ERC2: variants seen among roughly 807,000 people sequenced by gnomAD.
ERC2 encodes the protein ELKS/RAB6-interacting/CAST family member 2.
In ERC2, 42 loss-of-function variants were observed where a neutral mutation model predicts 114.8. The ratio of observed to expected loss-of-function variants is 0.37; its 90% CI spans 0.29 to 0.47. ERC2 has a LOEUF of 0.47. Ranked by LOEUF, ERC2 falls within the 20% of genes least tolerant of loss-of-function variation. The probability of loss-of-function intolerance (pLI) is 0.99; values close to 1 mark genes in which losing one functional copy is unlikely to be tolerated. For missense variants in ERC2, 939 were observed against 1,150.7 expected (o/e 0.82, Z 2.66); for synonymous variants, 454 against 425.5 (o/e 1.07, Z -0.82).
intron 17 of ERC2, among the ~76,000 whole-genome samples, chr3:55,527,456 A>T (rs923988559): frequency 6.6e-6 from 1 of 152,170 alleles, no homozygotes; most frequent in Non-Finnish European, 1.5e-5. Context: ...GAGAGAAGAG[A>T]ACGTAGCGAA....
chr3:55,661,862 T>C (rs2148710410), intron 17 of ERC2, among the ~76,000 whole-genome samples: 1 of 152,308 alleles, frequency 6.6e-6, no homozygotes, highest in African/African-American at 2.4e-5. Context: ...CCTCCTTTCC[T>C]GGGAGACTAA....
intron 3 of ERC2, among the ~76,000 whole-genome samples, chr3:56,196,493 CT>C (rs58861980): frequency 0.19 from 22,514 of 120,674 alleles, 2,440 homozygotes; most frequent in East Asian, 0.43. Context: ...TTCTTGCCTT[CT>C]TTTTTTTTTT....
At chr3:56,167,048 C>T (rs1269075757) in intron 4 of ERC2, among the ~76,000 whole-genome samples, 2 of 152,092 alleles carry the variant, frequency 1.3e-5, no homozygotes, top group African/African-American at 4.8e-5. Flanking sequence ...AGACTCGTGG[C>T]TCTTATAGTT....
chr3:55,918,054 C>T (rs972689618), intron 13 of ERC2, among the ~76,000 whole-genome samples: 3 of 151,818 alleles, frequency 2.0e-5, no homozygotes, highest in East Asian at 3.9e-4. Flanking sequence ...TTAGCCTGGG[C>T]CTCAGAGTCC....
At chr3:55,799,450 C>CCTTATATATATATGCATATATATAT (rs1553682495) in intron 14 of ERC2, among the ~76,000 whole-genome samples, 1 of 106,206 alleles carries the variant, frequency 9.4e-6, no homozygotes, top group Non-Finnish European at 1.8e-5. Flanking sequence ...TATATATATG[C>CCTTATATATATATGCATATATATAT]ATATATATAT....
At chr3:56,064,770 C>T (rs550494093) in intron 7 of ERC2, among the ~76,000 whole-genome samples, 2 of 135,274 alleles carry the variant, frequency 1.5e-5, no homozygotes, top group African/African-American at 2.8e-5. Context: ...GCTGTAAGAA[C>T]TTGTGATCTA....
intron 1 of ERC2, among the ~76,000 whole-genome samples, chr3:56,437,448 A>C (rs1313160240): frequency 6.6e-6 from 1 of 152,230 alleles, no homozygotes; most frequent in East Asian, 1.9e-4. Flanking sequence ...ACATTACAGG[A>C]TCAATGGGTA....
At chr3:56,119,956 A>T (rs756075412) in intron 6 of ERC2, among the ~76,000 whole-genome samples, 4 of 152,260 alleles carry the variant, frequency 2.6e-5, no homozygotes, top group Non-Finnish European at 5.9e-5. Context: ...AGAAAAGACC[A>T]TCTTAGCAAA....
At chr3:56,186,114 TAAAAAAAAA>T (rs201544979) in intron 3 of ERC2, among the ~76,000 whole-genome samples, 3,161 of 102,516 alleles carry the variant, frequency 0.031, 165 homozygotes, top group African/African-American at 0.12. Flanking sequence ...TCAAGAACCT[TAAAAAAAAA>T]AAAAAAAAAA....
intron 3 of ERC2, among the ~76,000 whole-genome samples, chr3:56,225,979 T>G (rs1185624193): frequency 6.6e-6 from 1 of 152,206 alleles, no homozygotes. Flanking sequence ...CTGCGCCTCA[T>G]GCACTTGTGT....
At chr3:55,719,079 C>T (rs111324515) in intron 15 of ERC2, among the ~76,000 whole-genome samples, 3 of 152,212 alleles carry the variant, frequency 2.0e-5, no homozygotes, top group South Asian at 4.2e-4. Flanking sequence ...TTCAACATGC[C>T]GAATTAAGCC....
intron 5 of ERC2, among the ~76,000 whole-genome samples, chr3:56,146,486 C>A (rs773271678): frequency 3.9e-5 from 6 of 152,070 alleles, no homozygotes; most frequent in Admixed American, 1.3e-4. Flanking sequence ...CATAAGAATT[C>A]ATCTTATTTG....
rs919459865 is a variant in ERC2 at position 56,343,479 on chromosome 3, G to T, written c.658-47044C>A. ...ATTAAAAAAAAAAAATTAGCCAGGT[G>T]TGGTGCCATAGATCTGTAATTCCAG... On this transcript the variant is annotated intron_variant, in intron 2 of 17. Transcript: ENST00000288221. 3.9e-5 allele frequency among the ~76,000 whole-genome samples: 6 copies of T among 152,132 alleles called. No homozygotes were observed. In the East Asian group the frequency reaches 9.7e-4, roughly 25 times the overall value.
chr3:55,986,581 C>G (rs1027136253), intron 11 of ERC2, among the ~76,000 whole-genome samples: 1 of 152,126 alleles, frequency 6.6e-6, no homozygotes, highest in Non-Finnish European at 1.5e-5. Flanking sequence ...CAAAGACCCC[C>G]TGAGGAGGGC....
chr3:56,467,234 T>A (rs1244320537), intron 1 of ERC2: 2 of 152,236 alleles, frequency 1.3e-5, no homozygotes, highest in Non-Finnish European at 1.5e-5. Context: ...CTCCCGAGCA[T>A]TGATTGGTTC....
At chr3:56,229,442 T>A (rs1221257484) in intron 3 of ERC2, among the ~76,000 whole-genome samples, 1 of 152,226 alleles carries the variant, frequency 6.6e-6, no homozygotes, top group East Asian at 1.9e-4. Context: ...AGTCACACTG[T>A]TAATAAATAT....
At position 55,992,069 on chromosome 3, in the gene ERC2, G is replaced by A. The variant is rs371881540; in HGVS notation, c.2243C>T (p.Ala748Val). The A allele has an allele frequency of 3.1e-6, 5 of 1,612,976 alleles. No homozygotes were observed. The African/African-American group carries it at 5.3e-5, about 17-fold the overall frequency. The change falls in exon 11 of 18, where the codon GCA becomes GTA. Residue 748 changes from alanine (A) to valine (V), a missense_variant. By Grantham distance (64) the Ala-to-Val change is moderately conservative. Around this residue, in one of 5 missense-constraint regions of ERC2, gnomAD observed 328 missense variants for 353.9 expected, o/e 0.93. Coordinates refer to ENST00000288221, the MANE Select transcript of ERC2 (RefSeq NM_015576.3). ...NEKNDKDKKI[A>V]ELESLTLRHM... is the part of the protein sequence containing the mutation. ...CTGTAAAATTTACCTCTCCAGTTCT[G>A]CGATCTTCTTGTCCTTGTCATTCTT...
At chr3:55,606,480 G>A (rs1253344632) in intron 17 of ERC2, 1 of 152,220 alleles carries the variant, frequency 6.6e-6, no homozygotes, top group Non-Finnish European at 1.5e-5. Flanking sequence ...AGCAACCAAT[G>A]ACCAACCTTC....
intron 4 of ERC2, among the ~76,000 whole-genome samples, chr3:56,168,131 C>T (rs944490307): frequency 1.3e-5 from 2 of 152,184 alleles, no homozygotes; most frequent in Non-Finnish European, 2.9e-5. Context: ...ATCTCAGCTG[C>T]CAATCTGACT....
Sources: gnomAD v4.1 joint callset for allele counts (sites outside exome capture counted in the v4.1 genomes callset) on GRCh38, gnomAD v4.1.1 for gene constraint, gnomAD v4.1.1 regional missense constraint, MANE v1.5 for transcripts, NCBI Gene and HGNC (gene_info 2026-07-23, HGNC 2026-07-21) for gene names.